IRAK2: variants seen among roughly 807,000 people sequenced by gnomAD.
IRAK2 encodes interleukin-1 receptor-associated kinase-like 2.
IRAK2 carries 57 observed loss-of-function variants against 72.0 expected under a neutral mutation model. The observed-to-expected ratio is 0.79, with a 90% CI of 0.64 to 0.99. IRAK2 has a LOEUF of 0.99. Ranked by LOEUF, IRAK2 falls within the 50% of genes least tolerant of loss-of-function variation. The pLI, the probability that IRAK2 is intolerant of heterozygous loss-of-function variation, is 0.00. For synonymous variants in IRAK2, 293 were observed against 312.7 expected, an observed-to-expected ratio of 0.94 and a Z score of 0.67; for missense variants, 790 against 794.4, an observed-to-expected ratio of 0.99 and a Z score of 0.07.
chr3:10,208,578 A>C (rs573018732), intron 3 of IRAK2, among the ~76,000 whole-genome samples: 1 of 151,980 alleles, frequency 6.6e-6, no homozygotes, highest in East Asian at 1.9e-4. Context: ...CCTGGCTAAC[A>C]CAGTGAAACC....
At chr3:10,200,806 TA>T (rs1697347750) in intron 3 of IRAK2, among the ~76,000 whole-genome samples, 1 of 151,994 alleles carries the variant, frequency 6.6e-6, no homozygotes, top group African/African-American at 2.4e-5. Flanking sequence ...GAGGCTGAGG[TA>T]GGGGGATTGC....
intron 10 of IRAK2, among the ~76,000 whole-genome samples, chr3:10,228,852 C>T (rs373067493): frequency 2.0e-4 from 30 of 152,234 alleles, no homozygotes; most frequent in South Asian, 1.5e-3. Flanking sequence ...TATGAGTACC[C>T]TCTGACACGG....
At chr3:10,202,337 C>T (rs1179019744) in intron 3 of IRAK2, among the ~76,000 whole-genome samples, 1 of 152,212 alleles carries the variant, frequency 6.6e-6, no homozygotes, top group Non-Finnish European at 1.5e-5. Flanking sequence ...ATAAACATCA[C>T]AGCCAGCCGG....
intron 1 of IRAK2, among the ~76,000 whole-genome samples, chr3:10,171,816 A>C (rs1696798804): frequency 7.0e-6 from 1 of 142,628 alleles, no homozygotes; most frequent in Non-Finnish European, 1.5e-5. Context: ...CCCAGGCTGG[A>C]GTCCAATGAT....
At position 10,198,635 on chromosome 3, in the gene IRAK2, G is replaced by A. The variant is rs200710687; in HGVS notation, c.278-1734G>A. Among the ~76,000 whole-genome samples the A allele has an allele frequency of 1.7e-4, 26 of 152,274 alleles. No homozygotes were observed. In the East Asian group the frequency reaches 4.2e-3, roughly 25 times the overall value. On this transcript the variant is annotated intron_variant, in intron 2 of 12. Transcript: ENST00000256458. Reference sequence around the variant, plus strand: ...TTGTGAAAATTAAATAAATATGCACGGTGCCATACCAGTGTGGTGCTATGC... The same window carrying A: ...TTGTGAAAATTAAATAAATATGCACAGTGCCATACCAGTGTGGTGCTATGC...
chr3:10,215,416 T>TAAAAAAAAA (rs1559449326), intron 6 of IRAK2, among the ~76,000 whole-genome samples: 4 of 134,182 alleles, frequency 3.0e-5, no homozygotes, highest in Non-Finnish European at 6.3e-5. Flanking sequence ...AAAAAAAAAT[T>TAAAAAAAAA]AATTAATTAA....
chr3:10,188,769 C>G (rs1363979784), intron 2 of IRAK2, among the ~76,000 whole-genome samples: 2 of 152,196 alleles, frequency 1.3e-5, no homozygotes, highest in African/African-American at 4.8e-5. Flanking sequence ...CAGGTGATCC[C>G]CCTGCCTTGG....
intron 2 of IRAK2, among the ~76,000 whole-genome samples, chr3:10,194,913 G>C (rs998934493): frequency 1.3e-5 from 2 of 152,172 alleles, no homozygotes; most frequent in Non-Finnish European, 2.9e-5. Flanking sequence ...TGGCTGGTGT[G>C]ACCTGGTGCC....
rs776147545 is a variant in IRAK2, at chr3:10,234,587, G to A, written c.1401G>A (p.Pro467=). 6.2e-7 allele frequency: 1 copy of A among 1,613,726 alleles called. No individual in the cohort carries two copies. Among genetic ancestry groups the A allele is most frequent in the South Asian group, 1.1e-5 (1 of 91,084 alleles). ...TGGAGAAGGGCGCAGGGAGGCTTCCGGAGGACTGCGCCGAGGCCCTGGCCA... is the reference window on the plus strand; with the variant it reads ...TGGAGAAGGGCGCAGGGAGGCTTCCAGAGGACTGCGCCGAGGCCCTGGCCA... The part of the protein sequence containing the change: ...KYLEKGAGRL[P]EDCAEALATA... Residue 467 remains proline, a synonymous_variant, in exon 11 of 13, where the codon CCG becomes CCA. Coordinates refer to ENST00000256458, the MANE Select transcript of IRAK2 (RefSeq NM_001570.4).
intron 1 of IRAK2, among the ~76,000 whole-genome samples, chr3:10,165,778 T>C (rs1258381547): frequency 2.1e-5 from 3 of 142,414 alleles, no homozygotes; most frequent in Non-Finnish European, 4.5e-5. Context: ...TCGCCCAGGC[T>C]GGAGTGCAGT....
In IRAK2 at chr3:10,213,485, C is replaced by T; in HGVS notation, c.725C>T (p.Thr242Ile). 10 of 1,613,968 alleles carry T rather than the reference C, an allele frequency of 6.2e-6. No individual in the cohort carries two copies. The highest frequency in any genetic ancestry group is 8.5e-6 in the Non-Finnish European group (10 of 1,179,860). ...ATGTTCTGATGTCTTTCTCTACAGA[C>T]AGCCTGTTCAAGTCCAGGATCAATC... is the stretch of plus-strand genomic sequence containing the variant. ...KPFVFKKLRE[T>I]ACSSPGSIER... The change falls in exon 6 of 13, where the codon ACA becomes ATA. Residue 242 changes from threonine (T) to isoleucine (I), a missense_variant and splice_region_variant. Coordinates refer to ENST00000256458, the MANE Select transcript of IRAK2 (RefSeq NM_001570.4).
chr3:10,225,793 G>C lies in IRAK2; in HGVS notation c.1210-578G>C, dbSNP rs368295021. Among the ~76,000 whole-genome samples the C allele has an allele frequency of 2.6e-4, 39 of 151,794 alleles. No individual in the cohort carries two copies. In the East Asian group the frequency reaches 3.5e-3, roughly 14 times the overall value. ...AGTTCACTGCAAGATCCACCTCCCA[G>C]GTTCACGCCATTCTCCTGCCTCAGC... On this transcript the variant is annotated intron_variant, in intron 9 of 12. Transcript: ENST00000256458.
chr3:10,239,569 A>G lies in IRAK2; in HGVS notation c.1765+530A>G, dbSNP rs1190812783. ...GCGAAACCCTGTCTCTACTAAAAATACAAAAAAATTAGCTGGGCATGGTGG... is the reference window on the plus strand; with the variant it reads ...GCGAAACCCTGTCTCTACTAAAAATGCAAAAAAATTAGCTGGGCATGGTGG... On this transcript the variant is annotated intron_variant, in intron 12 of 12. Transcript: ENST00000256458. Among the ~76,000 whole-genome samples the G allele has an allele frequency of 2.6e-5, 4 of 152,114 alleles. No homozygotes were observed. The East Asian group carries it at 7.7e-4, about 29-fold the overall frequency.
chr3:10,171,198 C>T (rs1009387123), intron 1 of IRAK2, among the ~76,000 whole-genome samples: 13 of 152,152 alleles, frequency 8.5e-5, no homozygotes, highest in Admixed American at 3.3e-4. Flanking sequence ...AGGGGCTCGG[C>T]GCAGGGGCTC....
chr3:10,236,305 T>G (rs1203303059), intron 11 of IRAK2, among the ~76,000 whole-genome samples: 2 of 150,940 alleles, frequency 1.3e-5, no homozygotes, highest in Non-Finnish European at 2.9e-5. Flanking sequence ...ATAGAAGGCT[T>G]TGTAGGCACA....
intron 6 of IRAK2, among the ~76,000 whole-genome samples, chr3:10,214,668 C>A (rs941331606): frequency 6.6e-6 from 1 of 151,524 alleles, no homozygotes; most frequent in Non-Finnish European, 1.5e-5. Flanking sequence ...GAAAATTGAC[C>A]AGGTATGGTG....
At chr3:10,186,475 C>T (rs1391190028) in intron 2 of IRAK2, among the ~76,000 whole-genome samples, 1 of 151,672 alleles carries the variant, frequency 6.6e-6, no homozygotes, top group East Asian at 1.9e-4. Flanking sequence ...CGCTTAGCCT[C>T]GCCTCCTCAC....
chr3:10,176,771 C>A (rs551885284), intron 1 of IRAK2, among the ~76,000 whole-genome samples: 239 of 151,488 alleles, frequency 1.6e-3, no homozygotes, highest in African/African-American at 5.6e-3. Context: ...GCCACTGCGC[C>A]TGGCCTACTT....
At chr3:10,180,454 G>A (rs1481125651) in intron 2 of IRAK2, among the ~76,000 whole-genome samples, 1 of 152,154 alleles carries the variant, frequency 6.6e-6, no homozygotes, top group Admixed American at 6.5e-5. Flanking sequence ...AGGAAGGCCA[G>A]TGTGAGGATG....
Sources: allele counts gnomAD v4.1 joint callset (sites outside exome capture counted in the v4.1 genomes callset), GRCh38; gene constraint gnomAD v4.1.1; transcripts MANE v1.5; gene names NCBI Gene and HGNC (gene_info 2026-07-23, HGNC 2026-07-21).